The following ZC3H12B variants were observed in gnomAD, a reference collection of about 807,000 sequenced individuals.
ZC3H12B encodes the protein probable ribonuclease ZC3H12B.
Under a neutral mutation model 43.9 loss-of-function variants are expected in ZC3H12B, and 7 were observed. The observed-to-expected ratio is 0.16, with a 90% CI of 0.09 to 0.30. ZC3H12B has a LOEUF of 0.30. Among genes scored for constraint, ZC3H12B ranks in the 10% least tolerant of loss-of-function variants. The pLI is 1.00. For missense variants in ZC3H12B, 475 were observed against 670.2 expected (o/e 0.71, Z 3.22); for synonymous variants, 222 against 241.7 (o/e 0.92, Z 0.76).
the ZC3H12B span, among the ~76,000 whole-genome samples, chrX:65,247,977 T>A: frequency 8.9e-6 from 1 of 112,321 alleles, no homozygotes; most frequent in Non-Finnish European, 1.9e-5. Flanking sequence ...TTTGAAAATA[T>A]GTTTGAAAAT....
the ZC3H12B span, among the ~76,000 whole-genome samples, chrX:65,097,155 T>A: frequency 8.9e-6 from 1 of 112,109 alleles, no homozygotes; most frequent in Admixed American, 9.5e-5. Context: ...ATTAATCCTA[T>A]CCTTTCTTTG....
chrX:65,135,630 A>T, the ZC3H12B span, among the ~76,000 whole-genome samples: 10 of 109,169 alleles, frequency 9.2e-5, no homozygotes, highest in Admixed American at 9.8e-4. Flanking sequence ...TATTTCTTGT[A>T]GTACTTTTTC....
the ZC3H12B span, among the ~76,000 whole-genome samples, chrX:65,101,609 A>T: frequency 6.2e-5 from 7 of 112,170 alleles, no homozygotes; most frequent in African/African-American, 9.7e-5. Context: ...AATACTATAA[A>T]CACCTCTACA....
At chrX:65,360,574 G>C in the ZC3H12B span, among the ~76,000 whole-genome samples, 4 of 111,967 alleles carry the variant, frequency 3.6e-5, no homozygotes, top group Non-Finnish European at 7.5e-5. Flanking sequence ...AGAGCAATTA[G>C]AACTCCTACA....
the ZC3H12B span, among the ~76,000 whole-genome samples, chrX:65,258,829 A>G: frequency 8.9e-6 from 1 of 111,753 alleles, no homozygotes; most frequent in African/African-American, 3.2e-5. Context: ...AGCCACAAAA[A>G]GAATAAAATA....
intron 3 of ZC3H12B, among the ~76,000 whole-genome samples, chrX:65,420,106 G>A (rs189570432): frequency 5.5e-4 from 61 of 111,870 alleles, no homozygotes; most frequent in African/African-American, 1.9e-3. Flanking sequence ...TCATTTGCAT[G>A]GACCCAGACA....
intron 3 of ZC3H12B, among the ~76,000 whole-genome samples, chrX:65,439,495 A>G (rs1176843520): frequency 1.8e-5 from 2 of 111,875 alleles, no homozygotes; most frequent in African/African-American, 6.5e-5. Context: ...CAATCTTCCT[A>G]AACAAGTACG....
the ZC3H12B span, among the ~76,000 whole-genome samples, chrX:65,132,790 T>G: frequency 9.0e-6 from 1 of 110,969 alleles, no homozygotes; most frequent in Admixed American, 9.5e-5. Context: ...GTGGAGTGGA[T>G]AGCCTCCGTA....
the ZC3H12B span, among the ~76,000 whole-genome samples, chrX:65,299,576 A>G: frequency 8.9e-6 from 1 of 112,054 alleles, no homozygotes; most frequent in Non-Finnish European, 1.9e-5. Flanking sequence ...ATAAGCATCA[A>G]AGATGGATTG....
the ZC3H12B span, among the ~76,000 whole-genome samples, chrX:65,203,839 C>T: frequency 9.0e-6 from 1 of 111,589 alleles, no homozygotes; most frequent in Non-Finnish European, 1.9e-5. Flanking sequence ...TCTAGGCTGC[C>T]TTTCACATAT....
intron 2 of ZC3H12B, among the ~76,000 whole-genome samples, chrX:65,373,618 A>T (rs1482778387): frequency 1.9e-5 from 2 of 105,679 alleles, no homozygotes; most frequent in African/African-American, 6.9e-5. Context: ...GGAAACCATC[A>T]TTCTCAGCAA....
the ZC3H12B span, among the ~76,000 whole-genome samples, chrX:65,190,114 G>A: frequency 1.8e-5 from 2 of 110,816 alleles, no homozygotes; most frequent in Non-Finnish European, 3.8e-5. Flanking sequence ...TTGTGGGTAT[G>A]CGGCATTATT....
chrX:65,452,216 C>T (rs2067524855), intron 3 of ZC3H12B, among the ~76,000 whole-genome samples: 1 of 111,125 alleles, frequency 9.0e-6, no homozygotes. Flanking sequence ...AAAAGGCATC[C>T]AAATCAGTAA....
chrX:65,049,262 G>A, the ZC3H12B span, among the ~76,000 whole-genome samples: 1 of 111,154 alleles, frequency 9.0e-6, no homozygotes, highest in Admixed American at 9.6e-5. Flanking sequence ...ATGTTATGAA[G>A]CTATTTCCTT....
chrX:65,277,628 G>A, the ZC3H12B span, among the ~76,000 whole-genome samples: 1 of 111,528 alleles, frequency 9.0e-6, no homozygotes, highest in Non-Finnish European at 1.9e-5. Context: ...AATGAGTGAA[G>A]GAAGACATTA....
At chrX:65,341,722 G>A in the ZC3H12B span, among the ~76,000 whole-genome samples, 4 of 109,375 alleles carry the variant, frequency 3.7e-5, no homozygotes, top group Middle Eastern at 4.8e-3. Flanking sequence ...ACTAAATACG[G>A]AAAGGAAAGA....
intron 3 of ZC3H12B, among the ~76,000 whole-genome samples, chrX:65,452,895 G>A (rs2067538917): frequency 9.6e-6 from 1 of 104,653 alleles, no homozygotes; most frequent in African/African-American, 3.9e-5. Flanking sequence ...TCATGGATGG[G>A]TAAAATCAAT....
chrX:65,454,551 G>A (rs2067576662), intron 3 of ZC3H12B, among the ~76,000 whole-genome samples: 1 of 112,140 alleles, frequency 8.9e-6, no homozygotes. Flanking sequence ...CCACCTCTGG[G>A]GGCAGGGCAT....
intron 3 of ZC3H12B, among the ~76,000 whole-genome samples, chrX:65,429,787 G>C (rs749235216): frequency 2.2e-4 from 25 of 112,279 alleles, no homozygotes; most frequent in African/African-American, 8.1e-4. Flanking sequence ...ATCAGGTCCT[G>C]CTTAAAGAAG....
Sources: gnomAD v4.1 joint callset for allele counts (sites outside exome capture counted in the v4.1 genomes callset) on GRCh38, gnomAD v4.1.1 for gene constraint, MANE v1.5 for transcripts, NCBI Gene and HGNC (gene_info 2026-07-23, HGNC 2026-07-21) for gene names.